The following SEC24B variants were observed in gnomAD, a reference collection of about 807,000 sequenced individuals.
SEC24B encodes the protein protein transport protein Sec24B.
In SEC24B, 45 loss-of-function variants were observed where a neutral mutation model predicts 142.8. The ratio of observed to expected loss-of-function variants is 0.32; its 90% confidence interval spans 0.25 to 0.40. The LOEUF is 0.40. Among genes scored for constraint, SEC24B ranks in the 10% least tolerant of loss-of-function variants. The pLI is 1.00. For synonymous variants in SEC24B, 574 were observed against 568.2 expected, an observed-to-expected ratio of 1.01 and a Z score of -0.15; for missense variants, 1,409 against 1,526.8, an observed-to-expected ratio of 0.92 and a Z score of 1.29.
At chr4:109,534,443 C>T (rs1027967896) in intron 22 of SEC24B, among the ~76,000 whole-genome samples, 5 of 151,780 alleles carry the variant, frequency 3.3e-5, no homozygotes, top group Admixed American at 1.3e-4. Context: ...AAAAATTAGC[C>T]GAGCATGGTG....
intron 7 of SEC24B, among the ~76,000 whole-genome samples, chr4:109,509,402 A>G (rs554550320): frequency 6.6e-6 from 1 of 152,320 alleles, no homozygotes; most frequent in Admixed American, 6.5e-5. Flanking sequence ...GGCCAGGCAC[A>G]GTGGCTCACG....
intron 1 of SEC24B, among the ~76,000 whole-genome samples, chr4:109,461,972 G>T (rs1731303629): frequency 6.6e-6 from 1 of 151,980 alleles, no homozygotes; most frequent in African/African-American, 2.4e-5. Flanking sequence ...AACATTGGCT[G>T]GGCCGTGGTG....
At chr4:109,515,438 CTTTTA>C (rs1388966844) in intron 10 of SEC24B, among the ~76,000 whole-genome samples, 2 of 151,970 alleles carry the variant, frequency 1.3e-5, no homozygotes, top group African/African-American at 4.8e-5. Context: ...TTAATATATT[CTTTTA>C]TTTTAACTTT....
chr4:109,474,749 TC>T (rs1323700538), intron 3 of SEC24B, among the ~76,000 whole-genome samples: 1 of 152,156 alleles, frequency 6.6e-6, no homozygotes, highest in Non-Finnish European at 1.5e-5. Flanking sequence ...TTTTTTACCA[TC>T]TTACTATAAA....
intron 19 of SEC24B, 90 bp from the exon 20 acceptor site, chr4:109,531,295 C>G: frequency 9.0e-7 from 1 of 1,115,484 alleles, no homozygotes; most frequent in Middle Eastern, 2.5e-4. Context: ...AAAGGCCATG[C>G]TTTTTCCATG....
At chr4:109,439,035 T>C (rs566416551) in intron 1 of SEC24B, among the ~76,000 whole-genome samples, 4 of 152,330 alleles carry the variant, frequency 2.6e-5, no homozygotes, top group African/African-American at 9.6e-5. Context: ...AATAATAAGC[T>C]GCTGCTTTTT....
At chr4:109,439,748 G>A (rs1728763057) in intron 1 of SEC24B, among the ~76,000 whole-genome samples, 1 of 149,858 alleles carries the variant, frequency 6.7e-6, no homozygotes, top group African/African-American at 2.4e-5. Flanking sequence ...TGATCCACCC[G>A]CCTTAGCCTC....
intron 4 of SEC24B, among the ~76,000 whole-genome samples, chr4:109,484,127 A>G (rs1360591648): frequency 6.6e-6 from 1 of 152,206 alleles, no homozygotes; most frequent in East Asian, 1.9e-4. Context: ...ATGGTCCAGG[A>G]TCCAATTTGG....
In SEC24B at chr4:109,433,988, C is replaced by A; in HGVS notation, c.119C>A (p.Pro40Gln). The change falls in exon 1 of 24, where the codon CCG becomes CAG. Residue 40 changes from proline (P) to glutamine (Q), a missense_variant. Transcript: ENST00000265175. ...APAGPGAGPAPHQQNGPAQNQ... is the reference protein window; with the variant it reads ...APAGPGAGPAQHQQNGPAQNQ... The stretch of plus-strand genomic sequence containing the variant: ...GCGGGCCCGGGTGCGGGCCCGGCGC[C>A]GCACCAGCAGAACGGTGAGGCGGGC... 1 of 1,192,122 alleles carries A rather than the reference C, an allele frequency of 8.4e-7. No homozygotes were observed. The highest frequency in any genetic ancestry group is 4.6e-5 in the Admixed American group (1 of 21,862). The allele number at this position is 1,192,122 out of a possible 1,614,324, so 73.8% of individuals were successfully genotyped here.
chr4:109,456,976 C>T (rs1295720820), intron 1 of SEC24B, among the ~76,000 whole-genome samples: 2 of 152,128 alleles, frequency 1.3e-5, no homozygotes, highest in Non-Finnish European at 2.9e-5. Context: ...GCTAGTATTG[C>T]TTGGTGCCAT....
chr4:109,468,156 T>C (rs1732153509), intron 2 of SEC24B, among the ~76,000 whole-genome samples: 1 of 152,218 alleles, frequency 6.6e-6, no homozygotes, highest in Admixed American at 6.5e-5. Flanking sequence ...AAAATGCTCA[T>C]ACAAAATACA....
At chr4:109,483,670 C>T (rs1288946112) in intron 4 of SEC24B, among the ~76,000 whole-genome samples, 3 of 152,142 alleles carry the variant, frequency 2.0e-5, no homozygotes, top group Non-Finnish European at 4.4e-5. Flanking sequence ...ATTTCTATTT[C>T]CTGTGCATTT....
intron 3 of SEC24B, among the ~76,000 whole-genome samples, chr4:109,475,609 T>C (rs912235763): frequency 1.3e-5 from 2 of 152,154 alleles, no homozygotes; most frequent in Non-Finnish European, 2.9e-5. Flanking sequence ...ATCAAAAATT[T>C]AAATACTTGT....
In SEC24B at chr4:109,439,949, G is replaced by A. The variant is rs188582294; in HGVS notation, c.133+5947G>A. Among the ~76,000 whole-genome samples the A allele has an allele frequency of 3.4e-3, 514 of 151,332 alleles. 6 individuals are homozygous for A. The highest frequency in any genetic ancestry group is 0.012 in the African/African-American group (497 of 41,334). ...CAGCCTGGACGACAGGATGAAACCCGTCTCTACTAAAAATACAAAAATTAG... is the reference window on the plus strand; with the variant it reads ...CAGCCTGGACGACAGGATGAAACCCATCTCTACTAAAAATACAAAAATTAG... On this transcript the variant is annotated intron_variant, in intron 1 of 23. Transcript: ENST00000265175.
intron 3 of SEC24B, among the ~76,000 whole-genome samples, chr4:109,476,863 C>T (rs999798791): frequency 3.3e-5 from 5 of 152,048 alleles, no homozygotes; most frequent in African/African-American, 9.7e-5. Context: ...GTTGGCCGGG[C>T]GCAGTGGCTC....
chr4:109,473,152 A>G lies in SEC24B; in HGVS notation c.1026A>G (p.Ser342=). 1 of 1,592,588 alleles carries G rather than the reference A, an allele frequency of 6.3e-7. No homozygotes were observed. The highest frequency in any genetic ancestry group is 1.1e-5 in the South Asian group (1 of 87,918). Reference sequence around the variant, plus strand: ...ATCACCCAGTTGAGCCTGTGACCTCAGTTACACAGCCATCAGAGCTATTAC... The same window carrying G: ...ATCACCCAGTTGAGCCTGTGACCTCGGTTACACAGCCATCAGAGCTATTAC... ...TANHPVEPVT[S]VTQPSELLQQ... Residue 342 remains serine (S), a synonymous_variant, in exon 3 of 24, where the codon TCA becomes TCG. Transcript: ENST00000265175.
At chr4:109,469,878 T>A (rs1037439792) in intron 2 of SEC24B, among the ~76,000 whole-genome samples, 30 of 151,996 alleles carry the variant, frequency 2.0e-4, no homozygotes, top group Admixed American at 1.4e-3. Context: ...TGGGAAAAAA[T>A]GTATATGCTT....
chr4:109,497,988 TC>T (rs1483368903), intron 6 of SEC24B, among the ~76,000 whole-genome samples: 2 of 152,236 alleles, frequency 1.3e-5, no homozygotes, highest in African/African-American at 4.8e-5. Flanking sequence ...ATAGTCACCT[TC>T]CTTTCATTTT....
intron 1 of SEC24B, among the ~76,000 whole-genome samples, chr4:109,445,885 C>T (rs1174074864): frequency 1.3e-5 from 2 of 151,740 alleles, no homozygotes; most frequent in Admixed American, 1.3e-4. Context: ...TTTAGTTTTT[C>T]AGTGATTATT....
Sources: gnomAD v4.1 joint callset for allele counts (sites outside exome capture counted in the v4.1 genomes callset) on GRCh38, gnomAD v4.1.1 for gene constraint, MANE v1.5 for transcripts, NCBI Gene and HGNC (gene_info 2026-07-23, HGNC 2026-07-21) for gene names.